PCYOX1L: variants seen among roughly 807,000 people sequenced by gnomAD.
PCYOX1L encodes prenylcysteine oxidase 1 like, also known as prenylcysteine oxidase 1-like.
Under a neutral mutation model 44.1 loss-of-function variants are expected in PCYOX1L, and 40 were observed. The ratio of observed to expected loss-of-function variants is 0.91; its 90% CI spans 0.70 to 1.18. The LOEUF is 1.18. PCYOX1L is among the 50% of genes most tolerant of loss of function. PCYOX1L has a pLI of 0.00. For missense variants in PCYOX1L, 605 were observed against 653.3 expected (o/e 0.93, Z 0.81); for synonymous variants, 266 against 282.8 (o/e 0.94, Z 0.60).
rs781093511 is a variant in PCYOX1L, at chr5:149,368,129, G to A, written c.960G>A (p.Pro320=). Residue 320 remains proline, a synonymous_variant, in exon 6 of 6, where the codon CCG becomes CCA. Transcript: ENST00000274569. ...SSNLTFAGFH[P]PIDDVQGSFQ... ...ACTTAACCTTTGCAGGCTTCCACCC[G>A]CCCATTGATGACGTGCAGGGCTCTT... The A allele has an allele frequency of 4.1e-5, 66 of 1,612,986 alleles. No individual in the cohort carries two copies. The highest frequency in any genetic ancestry group is 5.3e-5 in the Non-Finnish European group (62 of 1,179,490).
intron 2 of PCYOX1L, 199 bp downstream of exon 2, chr5:149,363,042 A>G: frequency 1.4e-6 from 1 of 722,210 alleles, no homozygotes; most frequent in Non-Finnish European, 2.5e-6. Context: ...AGCCGGGATT[A>G]GAACTCAGGT....
At chr5:149,365,307 C>G (rs1160257736) in intron 3 of PCYOX1L, 1 of 152,540 alleles carries the variant, frequency 6.6e-6, no homozygotes, top group Non-Finnish European at 1.5e-5. Context: ...ATCTCGTGTC[C>G]TATTGATAAC....
At position 149,368,507 on chromosome 5, in the gene PCYOX1L, C is replaced by T; in HGVS notation, c.1338C>T (p.Leu446=). ...CACTCCATGACCAGCTCTTCTACCT[C>T]AATGCCCTGGAGTGGGCGGCCAGCT... is the stretch of plus-strand genomic sequence containing the variant. ...RFALHDQLFY[L]NALEWAASSV... Residue 446 remains leucine, a synonymous_variant, in exon 6 of 6, where the codon CTC becomes CTT. Transcript: ENST00000274569. 1.2e-6 allele frequency: 2 copies of T among 1,612,204 alleles called. No individual in the cohort carries two copies. The highest frequency in any genetic ancestry group is 1.7e-6 in the Non-Finnish European group (2 of 1,178,972).
intron 1 of PCYOX1L, among the ~76,000 whole-genome samples, chr5:149,361,671 C>T (rs1176724112): frequency 1.3e-5 from 2 of 152,156 alleles, no homozygotes; most frequent in Non-Finnish European, 2.9e-5. Flanking sequence ...TCTTGTTTCC[C>T]AGGCTGGAGT....
intron 5 of PCYOX1L, 143 bp downstream of exon 5, chr5:149,367,643 A>T: frequency 8.4e-7 from 1 of 1,194,594 alleles, no homozygotes; most frequent in East Asian, 2.8e-5. Flanking sequence ...CAACCCTGCC[A>T]GGTGACACTA....
chr5:149,361,833 T>G (rs1693918), intron 1 of PCYOX1L, among the ~76,000 whole-genome samples: 18,159 of 152,184 alleles, frequency 0.12, 1,379 homozygotes, highest in Non-Finnish European at 0.17. Context: ...TCACCATGTT[T>G]GTCAGGCTGG....
chr5:149,368,248 T>G lies in PCYOX1L; in HGVS notation c.1079T>G (p.Leu360Arg), dbSNP rs1474223286. The G allele has an allele frequency of 1.2e-6, 2 of 1,614,022 alleles. No individual in the cohort carries two copies. Among genetic ancestry groups the G allele is most frequent in the Non-Finnish European group, 1.7e-6 (2 of 1,180,028 alleles). Residue 360 changes from leucine to arginine, a missense_variant, in exon 6 of 6, where the codon CTT (leucine) becomes CGT (arginine). Physicochemically the swap from Leu to Arg is moderately radical, Grantham distance 102 (BLOSUM62 -2). Coordinates refer to ENST00000274569, the MANE Select transcript of PCYOX1L (RefSeq NM_024028.4). ...DPKLFPFANI[L>R]TTDFPSFFCT... ...AAGCTTTTCCCCTTTGCCAACATCC[T>G]TACCACAGATTTCCCCAGCTTCTTC...
intron 1 of PCYOX1L, among the ~76,000 whole-genome samples, chr5:149,359,656 A>T (rs1485914529): frequency 6.6e-6 from 1 of 152,240 alleles, no homozygotes; most frequent in Non-Finnish European, 1.5e-5. Flanking sequence ...ACCTCCACCC[A>T]GCAGAATTGC....
At chr5:149,367,753 T>C (rs532073021) in intron 5 of PCYOX1L, among the ~76,000 whole-genome samples, 5 of 152,328 alleles carry the variant, frequency 3.3e-5, no homozygotes, top group African/African-American at 1.2e-4. Context: ...AATGACATCC[T>C]TGCCCACGCT....
rs750038645 is a variant in PCYOX1L, at chr5:149,366,079, G to A, written c.608G>A (p.Arg203His). Residue 203 changes from arginine (R) to histidine (H), a missense_variant, in exon 4 of 6, where the codon CGC becomes CAC. Coordinates refer to ENST00000274569, the MANE Select transcript of PCYOX1L (RefSeq NM_024028.4). ...ESLLQVGVTQ[R>H]FIDDVVSAVL... ...CTGCTGCAGGTGGGCGTCACGCAGC[G>A]CTTTATTGATGATGTCGTTTCTGCT... 32 of 1,614,200 alleles carry A rather than the reference G, an allele frequency of 2.0e-5. No homozygotes were observed. Among genetic ancestry groups the A allele is most frequent in the African/African-American group, 2.7e-5 (2 of 75,064 alleles).
In PCYOX1L at chr5:149,368,138, T is replaced by C; in HGVS notation, c.969T>C (p.Asp323=). The C allele has an allele frequency of 6.2e-7, 1 of 1,613,452 alleles. No individual in the cohort carries two copies. Among genetic ancestry groups the C allele is most frequent in the South Asian group, 1.1e-5 (1 of 90,986 alleles). The change falls in exon 6 of 6, where the codon GAT becomes GAC. Residue 323 remains aspartate, a synonymous_variant. Coordinates refer to ENST00000274569, the MANE Select transcript of PCYOX1L (RefSeq NM_024028.4). The stretch of plus-strand genomic sequence containing the variant: ...TTGCAGGCTTCCACCCGCCCATTGA[T>C]GACGTGCAGGGCTCTTTCCAGCCCA... ...LTFAGFHPPI[D]DVQGSFQPTV...
At chr5:149,367,630 C>A in intron 5 of PCYOX1L, 130 bp downstream of exon 5, 1 of 1,308,964 alleles carries the variant, frequency 7.6e-7, no homozygotes, top group South Asian at 1.5e-5. Flanking sequence ...CATTGAGAAG[C>A]CCCAACCCTG....
chr5:149,362,985 G>T, intron 2 of PCYOX1L, 142 bp downstream of exon 2: 1 of 979,310 alleles, frequency 1.0e-6, no homozygotes, highest in Middle Eastern at 2.0e-4. Flanking sequence ...ACAGAAACAA[G>T]AGAGGGGAAG....
intron 1 of PCYOX1L, chr5:149,362,124 G>T (rs1454986354): frequency 6.1e-6 from 1 of 164,430 alleles, no homozygotes; most frequent in Non-Finnish European, 1.3e-5. Flanking sequence ...GACAATAATT[G>T]AAAGAAAGAG....
At chr5:149,358,299 G>C in intron 1 of PCYOX1L, 143 bp downstream of exon 1, 1 of 1,220,908 alleles carries the variant, frequency 8.2e-7, no homozygotes, top group Non-Finnish European at 1.0e-6. Flanking sequence ...GAGAGGCGCC[G>C]AAGGGGACGC....
chr5:149,359,974 A>G lies in PCYOX1L; in HGVS notation c.88+1818A>G, dbSNP rs1757961923. On this transcript the variant is annotated intron_variant, in intron 1 of 5. Transcript: ENST00000274569. The stretch of plus-strand genomic sequence containing the variant: ...TATAGTTCCATATGCTGCCCTTCTC[A>G]TGCTGGTCTCTTTGCAGAGTGTGCG... 3.9e-5 allele frequency among the ~76,000 whole-genome samples: 6 copies of G among 152,206 alleles called. No homozygotes were observed. The South Asian group carries it at 8.3e-4, about 21-fold the overall frequency.
chr5:149,366,704 A>G (rs1758221015), intron 4 of PCYOX1L, among the ~76,000 whole-genome samples: 1 of 152,244 alleles, frequency 6.6e-6, no homozygotes, highest in African/African-American at 2.4e-5. Context: ...TGTTAAATAA[A>G]TGAATGCAAA....
chr5:149,359,622 T>C (rs1264771551), intron 1 of PCYOX1L, among the ~76,000 whole-genome samples: 1 of 152,180 alleles, frequency 6.6e-6, no homozygotes, highest in Non-Finnish European at 1.5e-5. Context: ...ACAGGACATT[T>C]CTCACCATTG....
intron 3 of PCYOX1L, chr5:149,364,434 TCTACTACA>T (rs1561702050): frequency 4.0e-6 from 2 of 496,942 alleles, no homozygotes; most frequent in East Asian, 6.6e-5. Flanking sequence ...TTTCTTACCC[TCTACTACA>T]CTGATACTAA....
Sources: allele counts gnomAD v4.1 joint callset (sites outside exome capture counted in the v4.1 genomes callset), GRCh38; gene constraint gnomAD v4.1.1; transcripts MANE v1.5; gene names NCBI Gene and HGNC (gene_info 2026-07-23, HGNC 2026-07-21).